DYNC1I1: variants seen among roughly 807,000 people sequenced by gnomAD.
The protein encoded by DYNC1I1 is dynein cytoplasmic 1 intermediate chain 1, also known as cytoplasmic dynein 1 intermediate chain 1.
A neutral mutation model predicts 86.6 loss-of-function variants in DYNC1I1; 43 were observed. That is an observed-to-expected ratio of 0.50 (90% confidence interval 0.39 to 0.64). The LOEUF is 0.64. Among genes scored for constraint, DYNC1I1 ranks in the 30% least tolerant of loss-of-function variants. The probability of loss-of-function intolerance (pLI) is 0.00; values close to 1 mark genes in which losing one functional copy is unlikely to be tolerated. For synonymous variants in DYNC1I1, 262 were observed against 283.7 expected (o/e 0.92, Z 0.77); for missense variants, 604 against 788.8 (o/e 0.77, Z 2.81).
At chr7:95,989,477 G>C (rs1297780912) in intron 9 of DYNC1I1, among the ~76,000 whole-genome samples, 1 of 152,152 alleles carries the variant, frequency 6.6e-6, no homozygotes, top group African/African-American at 2.4e-5. Context: ...AGCTCAGCTT[G>C]TTCACTTGTT....
chr7:96,041,899 T>C lies in DYNC1I1; in HGVS notation c.1509+2478T>C, dbSNP rs550649467. Among the ~76,000 whole-genome samples the C allele has an allele frequency of 5.3e-5, 8 of 152,246 alleles. No homozygotes were observed. In the South Asian group the frequency reaches 1.5e-3, roughly 28 times the overall value. On this transcript the variant is annotated intron_variant, in intron 14 of 16. Coordinates refer to ENST00000447467, the MANE Select transcript of DYNC1I1 (RefSeq NM_001135556.2). Reference sequence around the variant, plus strand: ...TTTGGAACCATGTAAATATTTTACATAGTTATAAAAGAAAATGAAATAAAT... The same window carrying C: ...TTTGGAACCATGTAAATATTTTACACAGTTATAAAAGAAAATGAAATAAAT...
Position 96,108,026 on chromosome 7 carries a change from C to T in DYNC1I1, c.1543-1953C>T, listed in dbSNP as rs528892801. Among the ~76,000 whole-genome samples, 19 of 152,108 alleles carry T rather than the reference C, an allele frequency of 1.2e-4. No homozygotes were observed. In the South Asian group the frequency reaches 3.9e-3, roughly 32 times the overall value. On this transcript the variant is annotated intron_variant, in intron 16 of 16. Transcript: ENST00000537881. ...TGCTGCCTTTTCCCCAATCTTTATG[C>T]TTTTCTTTTACATATCTTATTGTAT...
intron 5 of DYNC1I1, among the ~76,000 whole-genome samples, chr7:95,840,737 C>G (rs1409854375): frequency 6.6e-6 from 1 of 152,196 alleles, no homozygotes; most frequent in African/African-American, 2.4e-5. Context: ...TGGATGCTAC[C>G]TATTCCTTCG....
chr7:95,851,564 A>G (rs1427219692), intron 5 of DYNC1I1, among the ~76,000 whole-genome samples: 1 of 152,026 alleles, frequency 6.6e-6, no homozygotes, highest in African/African-American at 2.4e-5. Flanking sequence ...GATGAATCCC[A>G]CTTAATCATA....
chr7:95,883,629 A>T (rs1790514452), intron 6 of DYNC1I1, among the ~76,000 whole-genome samples: 1 of 152,210 alleles, frequency 6.6e-6, no homozygotes, highest in South Asian at 2.1e-4. Context: ...ATGTTTGTTG[A>T]AGCTGTGAGA....
intron 6 of DYNC1I1, among the ~76,000 whole-genome samples, chr7:95,892,324 C>G (rs1294391691): frequency 6.6e-6 from 1 of 151,250 alleles, no homozygotes; most frequent in Non-Finnish European, 1.5e-5. Context: ...TTTTTCTTCC[C>G]CCCGAGACAG....
intron 14 of DYNC1I1, among the ~76,000 whole-genome samples, chr7:96,051,254 A>C (rs1215856874): frequency 2.6e-5 from 4 of 152,176 alleles, no homozygotes; most frequent in Non-Finnish European, 4.4e-5. Flanking sequence ...ATTTAGGTTC[A>C]TGATACTGTT....
chr7:96,108,590 G>A lies in DYNC1I1; in HGVS notation c.1543-1389G>A, dbSNP rs146555760. Among the ~76,000 whole-genome samples, 30 of 152,156 alleles carry A rather than the reference G, an allele frequency of 2.0e-4. 1 individual carries two copies. In the East Asian group the frequency reaches 4.8e-3, roughly 24 times the overall value. On this transcript the variant is annotated intron_variant, in intron 16 of 16. Transcript: ENST00000537881. ...TTTTTCTCTGGGGTATAGGCCAGGC[G>A]CGGTGGCTCACACCTGTAATTCCAG...
intron 9 of DYNC1I1, among the ~76,000 whole-genome samples, chr7:95,990,013 C>G (rs1793692246): frequency 6.6e-6 from 1 of 151,966 alleles, no homozygotes; most frequent in South Asian, 2.1e-4. Flanking sequence ...GGATGATTTC[C>G]TGAATGTAAC....
intron 1 of DYNC1I1, among the ~76,000 whole-genome samples, chr7:95,781,997 A>G (rs962211252): frequency 1.3e-5 from 2 of 152,142 alleles, no homozygotes; most frequent in Non-Finnish European, 2.9e-5. Context: ...ACAACAAAAA[A>G]ATTTTCTTGG....
At chr7:95,775,382 G>C (rs1312035406) in intron 1 of DYNC1I1, among the ~76,000 whole-genome samples, 1 of 152,150 alleles carries the variant, frequency 6.6e-6, no homozygotes, top group East Asian at 1.9e-4. Context: ...ATAATTAAAT[G>C]AGTTAAATGA....
intron 14 of DYNC1I1, among the ~76,000 whole-genome samples, chr7:96,044,601 A>T (rs1789152150): frequency 6.6e-6 from 1 of 152,148 alleles, no homozygotes; most frequent in Admixed American, 6.5e-5. Flanking sequence ...TAGCATGGAC[A>T]GGGAAGTGAA....
intron 6 of DYNC1I1, among the ~76,000 whole-genome samples, chr7:95,888,172 C>T (rs561681955): frequency 1.2e-3 from 178 of 152,272 alleles, no homozygotes; most frequent in African/African-American, 4.2e-3. Context: ...AGTGGCGGCT[C>T]ACACCTGTAA....
At chr7:96,032,871 A>G (rs1244879434) in intron 12 of DYNC1I1, 91 bp downstream of exon 12, 1 of 1,041,014 alleles carries the variant, frequency 9.6e-7, no homozygotes, top group Non-Finnish European at 1.4e-6. Context: ...AAACCCTCAC[A>G]TCCTAGAGGA....
intron 14 of DYNC1I1, among the ~76,000 whole-genome samples, chr7:96,064,078 G>C (rs1789878050): frequency 6.6e-6 from 1 of 152,176 alleles, no homozygotes; most frequent in African/African-American, 2.4e-5. Flanking sequence ...TTACTGACTG[G>C]TGCAGGGTAT....
chr7:95,957,087 T>C (rs1490302642), intron 6 of DYNC1I1, among the ~76,000 whole-genome samples: 3 of 152,138 alleles, frequency 2.0e-5, no homozygotes, highest in Non-Finnish European at 4.4e-5. Flanking sequence ...ATTTCTTAGC[T>C]CTAAAAACAT....
chr7:96,083,351 A>G (rs868043200), intron 16 of DYNC1I1, among the ~76,000 whole-genome samples: 5 of 152,152 alleles, frequency 3.3e-5, no homozygotes, highest in South Asian at 2.1e-4. Flanking sequence ...CTTTGTCACC[A>G]CAAAGCTTTA....
intron 1 of DYNC1I1, among the ~76,000 whole-genome samples, chr7:95,794,555 A>C (rs577584750): frequency 6.6e-6 from 1 of 152,312 alleles, no homozygotes; most frequent in East Asian, 1.9e-4. Context: ...TTAAGATTTA[A>C]GAGCTCTCAT....
intron 14 of DYNC1I1, among the ~76,000 whole-genome samples, chr7:96,052,916 C>T (rs1343294182): frequency 6.6e-6 from 1 of 152,138 alleles, no homozygotes. Context: ...GTAAGGACAT[C>T]TTACCTTCTC....
Sources: gnomAD v4.1 joint callset for allele counts (sites outside exome capture counted in the v4.1 genomes callset) on GRCh38, gnomAD v4.1.1 for gene constraint, MANE v1.5 for transcripts, NCBI Gene and HGNC (gene_info 2026-07-23, HGNC 2026-07-21) for gene names.